Variants in HBS1L observed in about 807,000 individuals in gnomAD.
HBS1L encodes the protein HBS1 like translational GTPase.
HBS1L carries 55 observed loss-of-function variants against 88.9 expected under a neutral mutation model. The observed-to-expected ratio is 0.62, with a 90% confidence interval of 0.50 to 0.77. The LOEUF (loss-of-function observed/expected upper bound fraction) is 0.77. Ranked by LOEUF, HBS1L falls within the 30% of genes least tolerant of loss-of-function variation. The probability of loss-of-function intolerance (pLI) is 0.00; values close to 1 mark genes in which losing one functional copy is unlikely to be tolerated. For missense variants in HBS1L, 741 were observed against 829.3 expected (o/e 0.89, Z 1.31); for synonymous variants, 267 against 288.5 (o/e 0.93, Z 0.76).
chr6:135,018,303 T>C (rs1775979355), intron 4 of HBS1L, among the ~76,000 whole-genome samples: 1 of 152,088 alleles, frequency 6.6e-6, no homozygotes, highest in South Asian at 2.1e-4. Context: ...GGCTGTGATT[T>C]ATTTGTTATG....
intron 4 of HBS1L, among the ~76,000 whole-genome samples, chr6:135,029,010 T>C (rs1446444585): frequency 6.6e-6 from 1 of 151,988 alleles, no homozygotes; most frequent in Non-Finnish European, 1.5e-5. Flanking sequence ...AAAGCTATAG[T>C]AATTTAAAAA....
chr6:135,004,260 T>TA (rs11336026), intron 4 of HBS1L, among the ~76,000 whole-genome samples: 1,498 of 134,844 alleles, frequency 0.011, 22 homozygotes, highest in African/African-American at 0.036. Context: ...TACTAAATGA[T>TA]AAAAAAAAAA....
intron 4 of HBS1L, among the ~76,000 whole-genome samples, chr6:135,034,330 C>A (rs192778516): frequency 1.3e-5 from 2 of 152,190 alleles, no homozygotes; most frequent in Admixed American, 1.3e-4. Flanking sequence ...AGGAAAAGAC[C>A]AGCCTTTTCA....
chr6:134,963,938 T>C lies in HBS1L; in HGVS notation c.*1341A>G, dbSNP rs560863274. On this transcript the variant is annotated 3_prime_UTR_variant, in exon 18 of 18. Coordinates refer to ENST00000367837, the MANE Select transcript of HBS1L (RefSeq NM_006620.4). The stretch of plus-strand genomic sequence containing the variant: ...ATATATCTGTTAAATTCTTGATTAA[T>C]ATTAATATTTAAATAAAACTTTCTT... 5 of 152,188 alleles carry C rather than the reference T, an allele frequency of 3.3e-5. No individual in the cohort carries two copies. Among genetic ancestry groups the C allele is most frequent in the Non-Finnish European group, 7.3e-5 (5 of 68,028 alleles). The allele number at this position is 152,188 out of a possible 1,614,324, so 9.4% of individuals were successfully genotyped here. A position where few individuals can be genotyped will look rare whatever the true frequency, so the allele number is the denominator to read the frequency against.
intron 15 of HBS1L, among the ~76,000 whole-genome samples, chr6:134,973,467 G>A (rs1377894102): frequency 6.6e-6 from 1 of 152,200 alleles, no homozygotes; most frequent in Non-Finnish European, 1.5e-5. Flanking sequence ...AAGATACTGT[G>A]TCATGGGTAC....
chr6:135,025,928 G>C (rs1053547332), intron 4 of HBS1L, among the ~76,000 whole-genome samples: 1 of 152,164 alleles, frequency 6.6e-6, no homozygotes, highest in South Asian at 2.1e-4. Flanking sequence ...AGAACAGAGG[G>C]AGAGTGGGAA....
intron 1 of HBS1L, among the ~76,000 whole-genome samples, chr6:135,051,380 T>C (rs1193464394): frequency 6.6e-6 from 1 of 152,176 alleles, no homozygotes; most frequent in African/African-American, 2.4e-5. Context: ...ATGAAAGTAG[T>C]ATTTCTTTAT....
chr6:135,033,502 A>G (rs1776445226), intron 4 of HBS1L, among the ~76,000 whole-genome samples: 1 of 152,210 alleles, frequency 6.6e-6, no homozygotes, highest in African/African-American at 2.4e-5. Flanking sequence ...AGTACTTGTC[A>G]TGTACATGCC....
At chr6:134,967,991 A>G (rs1229835895) in intron 16 of HBS1L, among the ~76,000 whole-genome samples, 1 of 152,184 alleles carries the variant, frequency 6.6e-6, no homozygotes, top group Non-Finnish European at 1.5e-5. Flanking sequence ...AGAGAGGTAA[A>G]GTAGCCCTTC....
Position 135,039,724 on chromosome 6 carries a change from T to C in HBS1L, c.279A>G (p.Gly93=). 1 of 1,613,928 alleles carries C rather than the reference T, an allele frequency of 6.2e-7. No individual in the cohort carries two copies. The highest frequency in any genetic ancestry group is 1.6e-4 in the Middle Eastern group (1 of 6,062). ...TTAATATTTCATCTGGCACAGCATC[T>C]CCAAGTACCTCTCTCATGTGATCAA... The part of the protein sequence containing the change: ...SCLDHMREVL[G]DAVPDEILIE... The change falls in exon 4 of 18, where the codon GGA becomes GGG. Residue 93 remains glycine (G), a synonymous_variant. Coordinates refer to ENST00000367837, the MANE Select transcript of HBS1L (RefSeq NM_006620.4).
At chr6:135,042,258 A>G in intron 2 of HBS1L, 132 bp from the exon 3 acceptor site, 1 of 692,024 alleles carries the variant, frequency 1.4e-6, no homozygotes, top group South Asian at 2.6e-5. Context: ...AAGGGATGAA[A>G]ACAAAAACAA....
chr6:134,975,710 CTACATATGGAA>C (rs1171261752), intron 15 of HBS1L, among the ~76,000 whole-genome samples: 1 of 152,006 alleles, frequency 6.6e-6, no homozygotes, highest in Non-Finnish European at 1.5e-5. Context: ...TGCTGGATAG[CTACATATGGAA>C]GAACGAAAAC....
In HBS1L at chr6:135,045,838, C is replaced by CAA. The variant is rs34794900; in HGVS notation, c.110-3714_110-3713dup. ...TAGGCTACAGAATGAGACTCCGTCT[C>CAA]AAAAAAAAAAAAATGATTCCCAGCA... On this transcript the variant is annotated intron_variant, in intron 2 of 17. Transcript: ENST00000367837. Among the ~76,000 whole-genome samples the CAA allele has an allele frequency of 6.5e-3, 927 of 143,072 alleles. 34 individuals carry two copies. The highest frequency in any genetic ancestry group is 0.051 in the Admixed American group (736 of 14,414). 93.9% of individuals were successfully genotyped at this position (143,072 alleles called of 152,430 possible).
At chr6:135,047,754 A>G (rs1366275251) in intron 2 of HBS1L, among the ~76,000 whole-genome samples, 1 of 152,208 alleles carries the variant, frequency 6.6e-6, no homozygotes, top group Non-Finnish European at 1.5e-5. Context: ...TAATATAACC[A>G]TATCATCTTC....
chr6:134,968,173 A>T (rs986902313), intron 16 of HBS1L, among the ~76,000 whole-genome samples: 2 of 152,198 alleles, frequency 1.3e-5, no homozygotes, highest in African/African-American at 4.8e-5. Flanking sequence ...AAGAAGTTGG[A>T]AGGAAAACCC....
chr6:135,013,458 T>A (rs1439443868), intron 4 of HBS1L, among the ~76,000 whole-genome samples: 2 of 152,162 alleles, frequency 1.3e-5, no homozygotes, highest in Non-Finnish European at 2.9e-5. Context: ...TGGTGAGACA[T>A]AAGATTAGAA....
intron 2 of HBS1L, among the ~76,000 whole-genome samples, chr6:135,044,092 C>A (rs1776835971): frequency 6.6e-6 from 1 of 152,192 alleles, no homozygotes; most frequent in South Asian, 2.1e-4. Context: ...TCTCCAAGGT[C>A]TGTGAGCATT....
rs186875470 is a variant in HBS1L at position 135,040,949 on chromosome 6, G to A, written c.235+1052C>T. 3.8e-3 allele frequency among the ~76,000 whole-genome samples: 577 copies of A among 151,966 alleles called. 3 individuals are homozygous for A. The highest frequency in any genetic ancestry group is 0.012 in the African/African-American group (516 of 41,464). ...TTTGTAATCCTCATAATAAGTCTAT[G>A]AGCTAGATATATCAAGCAAATTCTA... On this transcript the variant is annotated intron_variant, in intron 3 of 17. Transcript: ENST00000367837.
chr6:135,005,330 T>C (rs1775580405), intron 4 of HBS1L, among the ~76,000 whole-genome samples: 1 of 152,228 alleles, frequency 6.6e-6, no homozygotes, highest in African/African-American at 2.4e-5. Context: ...CATGGACTGA[T>C]ATGAGGCTAT....
Sources: allele counts gnomAD v4.1 joint callset (sites outside exome capture counted in the v4.1 genomes callset), GRCh38; gene constraint gnomAD v4.1.1; transcripts MANE v1.5; gene names NCBI Gene and HGNC (gene_info 2026-07-23, HGNC 2026-07-21).